The following AAMDC variants were observed in gnomAD, a reference collection of about 807,000 sequenced individuals.
The protein encoded by AAMDC is adipogenesis associated Mth938 domain containing.
A neutral mutation model predicts 15.5 loss-of-function variants in AAMDC; 16 were observed. The ratio of observed to expected loss-of-function variants is 1.03; its 90% CI spans 0.70 to 1.57. The LOEUF (loss-of-function observed/expected upper bound fraction) is 1.57. Ranked by LOEUF, AAMDC falls within the 40% of genes most tolerant of loss-of-function variation. The probability of loss-of-function intolerance (pLI) is 0.00; values close to 1 mark genes in which losing one functional copy is unlikely to be tolerated. For synonymous variants in AAMDC, 51 were observed against 51.6 expected, an observed-to-expected ratio of 0.99 and a Z score of 0.05; for missense variants, 141 against 144.9, an observed-to-expected ratio of 0.97 and a Z score of 0.14.
At chr11:77,859,845 C>T (rs1413843628) in intron 2 of AAMDC, among the ~76,000 whole-genome samples, 1 of 152,220 alleles carries the variant, frequency 6.6e-6, no homozygotes, top group African/African-American at 2.4e-5. Flanking sequence ...AGTCGCAGCA[C>T]TGGCCCTTCA....
chr11:77,827,157 C>G (rs1051640628), intron 1 of AAMDC, among the ~76,000 whole-genome samples: 5 of 151,958 alleles, frequency 3.3e-5, no homozygotes, highest in Admixed American at 6.6e-5. Context: ...GCCCCGCCCC[C>G]CTCAGAAAAG....
At chr11:77,835,282 G>T (rs1350151050) in intron 1 of AAMDC, among the ~76,000 whole-genome samples, 1 of 152,148 alleles carries the variant, frequency 6.6e-6, no homozygotes, top group Admixed American at 6.6e-5. Flanking sequence ...TTGGAACATG[G>T]ATGTGATCGC....
At chr11:77,873,248 G>GATA (rs1951504750), downstream of AAMDC, among the ~76,000 whole-genome samples, 1 of 152,144 alleles carries the variant, frequency 6.6e-6, no homozygotes, top group Admixed American at 6.6e-5. Context: ...GTCAGATCAG[G>GATA]ATAACATTAG....
chr11:77,894,408 A>T (rs1952421301), intron 5 of AAMDC: 9 of 874,712 alleles, frequency 1.0e-5, no homozygotes, highest in Non-Finnish European at 1.3e-5. Flanking sequence ...AGGAGGACCA[A>T]AAGTCCCAGA....
intron 1 of AAMDC, among the ~76,000 whole-genome samples, chr11:77,826,095 G>A (rs771881565): frequency 7.2e-5 from 11 of 152,112 alleles, no homozygotes; most frequent in African/African-American, 1.9e-4. Flanking sequence ...AAAAATGAGC[G>A]GGTAGCCAGA....
At chr11:77,879,508 G>A (rs1427711460) in intron 5 of AAMDC, among the ~76,000 whole-genome samples, 3 of 152,142 alleles carry the variant, frequency 2.0e-5, no homozygotes, top group East Asian at 3.9e-4. Context: ...CTCTTCCTGC[G>A]CAGTTCCATC....
intron 1 of AAMDC, among the ~76,000 whole-genome samples, chr11:77,840,115 C>T (rs191934407): frequency 0.011 from 1,732 of 152,198 alleles, 12 homozygotes; most frequent in Non-Finnish European, 0.017. Context: ...CACACACACA[C>T]ACACAACACC....
chr11:77,858,851 AT>A (rs752120938), intron 2 of AAMDC, among the ~76,000 whole-genome samples: 3 of 152,196 alleles, frequency 2.0e-5, no homozygotes, highest in Non-Finnish European at 4.4e-5. Context: ...TTGAAGAACG[AT>A]TTGTAGTTTT....
chr11:77,905,626 T>C (rs1227273669), downstream of AAMDC, among the ~76,000 whole-genome samples: 1 of 152,224 alleles, frequency 6.6e-6, no homozygotes, highest in Non-Finnish European at 1.5e-5. Flanking sequence ...GATATCCTTT[T>C]CGTACATCTG....
intron 2 of AAMDC, among the ~76,000 whole-genome samples, chr11:77,863,333 C>G (rs199954303): frequency 6.6e-6 from 1 of 152,164 alleles, no homozygotes; most frequent in Admixed American, 6.5e-5. Flanking sequence ...AGCAGCGGGT[C>G]TGTGATGGCG....
chr11:77,879,212 T>C, intron 5 of AAMDC: 1 of 1,459,264 alleles, frequency 6.9e-7, no homozygotes, highest in Non-Finnish European at 9.3e-7. Context: ...AATATCAAAA[T>C]GGAAGCAGTA....
At chr11:77,902,160 G>T (rs1447936215), downstream of AAMDC, among the ~76,000 whole-genome samples, 1 of 152,168 alleles carries the variant, frequency 6.6e-6, no homozygotes, top group Non-Finnish European at 1.5e-5. Context: ...TCACGGAAAT[G>T]ACTCCAGACT....
intron 2 of AAMDC, chr11:77,850,604 T>C (rs1468461811): frequency 2.0e-5 from 3 of 152,298 alleles, no homozygotes; most frequent in African/African-American, 4.8e-5. Flanking sequence ...CAAAGAAAAC[T>C]AAAGGAACTA....
intron 2 of AAMDC, among the ~76,000 whole-genome samples, chr11:77,861,937 A>C (rs1781286757): frequency 6.6e-6 from 1 of 152,128 alleles, no homozygotes; most frequent in South Asian, 2.1e-4. Flanking sequence ...CCTATCCTTT[A>C]AGATTAGTCG....
intron 1 of AAMDC, among the ~76,000 whole-genome samples, chr11:77,823,321 A>G (rs1200500115): frequency 6.6e-6 from 1 of 152,080 alleles, no homozygotes; most frequent in South Asian, 2.1e-4. Flanking sequence ...GTCGGAAAAT[A>G]TTGTTTTTAA....
chr11:77,855,974 CTG>C (rs1258551701), intron 2 of AAMDC, among the ~76,000 whole-genome samples: 2 of 152,058 alleles, frequency 1.3e-5, no homozygotes, highest in Non-Finnish European at 2.9e-5. Context: ...ACAAATTTCA[CTG>C]TGTGTGGTGG....
At chr11:77,865,216 T>G (rs1185459268) in intron 2 of AAMDC, among the ~76,000 whole-genome samples, 1 of 152,218 alleles carries the variant, frequency 6.6e-6, no homozygotes, top group Non-Finnish European at 1.5e-5. Flanking sequence ...GCATGATTAC[T>G]TAGTGTGAAG....
intron 2 of AAMDC, among the ~76,000 whole-genome samples, chr11:77,862,877 G>A (rs935453846): frequency 6.6e-6 from 1 of 152,124 alleles, no homozygotes; most frequent in African/African-American, 2.4e-5. Flanking sequence ...CTTTCTTAGT[G>A]TCTGAGAGTC....
At chr11:77,869,160 T>C in intron 2 of AAMDC, 1 of 244,730 alleles carries the variant, frequency 4.1e-6, no homozygotes, top group East Asian at 9.7e-5. Context: ...AGGACATATA[T>C]TGGGTGCATC....
Sources: gnomAD v4.1 joint callset for allele counts (sites outside exome capture counted in the v4.1 genomes callset) on GRCh38, gnomAD v4.1.1 for gene constraint, MANE v1.5 for transcripts, NCBI Gene and HGNC (gene_info 2026-07-23, HGNC 2026-07-21) for gene names.